The following ANKRD30B variants were observed in gnomAD, a reference collection of about 807,000 sequenced individuals.
ANKRD30B encodes the protein ankyrin repeat domain-containing protein 30B.
A neutral mutation model predicts 202.2 loss-of-function variants in ANKRD30B; 144 were observed. That is an observed-to-expected ratio of 0.71 (90% CI 0.62 to 0.82). ANKRD30B has a LOEUF of 0.82. Among genes scored for constraint, ANKRD30B ranks in the 40% least tolerant of loss-of-function variants. The probability of loss-of-function intolerance (pLI) is 0.00; values close to 1 mark genes in which losing one functional copy is unlikely to be tolerated. For missense variants in ANKRD30B, 1,487 were observed against 1,669.1 expected (o/e 0.89, Z 1.90); for synonymous variants, 508 against 561.3 (o/e 0.91, Z 1.34).
At chr18:14,899,087 G>T in the ANKRD30B span, among the ~76,000 whole-genome samples, 2 of 151,800 alleles carry the variant, frequency 1.3e-5, no homozygotes, top group African/African-American at 4.8e-5. Context: ...TTTTAATCTT[G>T]TCATTATTTT....
At chr18:14,796,295 A>G in intron 17 of ANKRD30B, 46 bp downstream of exon 17, 1 of 1,610,150 alleles carries the variant, frequency 6.2e-7, no homozygotes, top group Non-Finnish European at 8.5e-7. Flanking sequence ...TACATATTTT[A>G]GGAAGCATAT....
chr18:14,829,007 C>T (rs1970788349), intron 33 of ANKRD30B, among the ~76,000 whole-genome samples: 1 of 152,194 alleles, frequency 6.6e-6, no homozygotes, highest in East Asian at 1.9e-4. Context: ...TTCTTCAAAG[C>T]AGTCCCCTCT....
intron 37 of ANKRD30B, 137 bp from the exon 38 acceptor site, chr18:14,842,760 C>T (rs571459928): frequency 3.0e-4 from 239 of 784,386 alleles, no homozygotes; most frequent in Non-Finnish European, 4.4e-4. Flanking sequence ...AGAAACATAC[C>T]GAAAGAAAAC....
At chr18:14,906,090 C>A in the ANKRD30B span, among the ~76,000 whole-genome samples, 2 of 151,802 alleles carry the variant, frequency 1.3e-5, no homozygotes, top group African/African-American at 2.4e-5. Flanking sequence ...TCAGCAAATA[C>A]TTTTAGCCCA....
chr18:14,939,276 G>C, the ANKRD30B span, among the ~76,000 whole-genome samples: 1 of 152,124 alleles, frequency 6.6e-6, no homozygotes, highest in East Asian at 1.9e-4. Flanking sequence ...AGGATTACAG[G>C]ACCTGCCCCC....
chr18:14,856,083 T>A (rs1444561879), downstream of ANKRD30B, among the ~76,000 whole-genome samples: 1 of 98,778 alleles, frequency 1.0e-5, no homozygotes, highest in East Asian at 3.3e-4. Flanking sequence ...CTAGATGGGG[T>A]GGCCGGGCAG....
At chr18:14,859,051 C>T (rs1972142277), downstream of ANKRD30B, among the ~76,000 whole-genome samples, 3 of 122,064 alleles carry the variant, frequency 2.5e-5, no homozygotes, top group Admixed American at 2.2e-4. Context: ...GTGCTCCTCG[C>T]CTCCCACATG....
the ANKRD30B span, among the ~76,000 whole-genome samples, chr18:14,874,532 G>C: frequency 6.6e-6 from 1 of 152,228 alleles, no homozygotes; most frequent in South Asian, 2.1e-4. Context: ...CCATTATGTA[G>C]ATATTTAATT....
chr18:14,828,378 G>A (rs1568054466), intron 33 of ANKRD30B, 70 bp downstream of exon 33: 2 of 1,087,850 alleles, frequency 1.8e-6, no homozygotes, highest in East Asian at 2.6e-5. Context: ...ATCACTATCT[G>A]CTGAGTATTC....
chr18:14,774,711 A>T (rs1473120406), intron 9 of ANKRD30B, among the ~76,000 whole-genome samples: 1 of 152,160 alleles, frequency 6.6e-6, no homozygotes, highest in Admixed American at 6.5e-5. Flanking sequence ...TACAACTGTA[A>T]ATTAGGAAGA....
chr18:14,818,461 C>T (rs1303552882), intron 30 of ANKRD30B, among the ~76,000 whole-genome samples: 1 of 151,502 alleles, frequency 6.6e-6, no homozygotes, highest in Non-Finnish European at 1.5e-5. Context: ...GCTGCACCCA[C>T]CAACTCGTCA....
At chr18:14,880,230 A>G in the ANKRD30B span, among the ~76,000 whole-genome samples, 3 of 152,050 alleles carry the variant, frequency 2.0e-5, no homozygotes, top group Admixed American at 1.3e-4. Flanking sequence ...CTTCTGTTCC[A>G]TTGGTCTATG....
At chr18:14,796,534 C>T (rs1968909035) in intron 18 of ANKRD30B, 119 bp downstream of exon 18, 11 of 1,202,274 alleles carry the variant, frequency 9.1e-6, no homozygotes, top group African/African-American at 1.5e-5. Flanking sequence ...AAATTTGAAA[C>T]AAATAATGCC....
chr18:14,770,818 A>T (rs1966948792), intron 8 of ANKRD30B, among the ~76,000 whole-genome samples: 1 of 126,144 alleles, frequency 7.9e-6, no homozygotes, highest in Non-Finnish European at 1.5e-5. Flanking sequence ...ATTGAAAGAT[A>T]AAAAAAAAAA....
At chr18:14,907,323 A>G in the ANKRD30B span, among the ~76,000 whole-genome samples, 1 of 152,154 alleles carries the variant, frequency 6.6e-6, no homozygotes, top group Non-Finnish European at 1.5e-5. Flanking sequence ...CTGAAAAAAA[A>G]AAGACATCAA....
intron 14 of ANKRD30B, among the ~76,000 whole-genome samples, chr18:14,785,873 C>G (rs562910986): frequency 1.2e-3 from 184 of 152,008 alleles, no homozygotes; most frequent in African/African-American, 4.1e-3. Flanking sequence ...CCCGTCTCTA[C>G]TAAAAATACA....
At chr18:14,870,563 A>C in the ANKRD30B span, among the ~76,000 whole-genome samples, 1 of 152,084 alleles carries the variant, frequency 6.6e-6, no homozygotes, top group Non-Finnish European at 1.5e-5. Flanking sequence ...CACAGACCTG[A>C]CAGTGGGGTC....
chr18:14,894,380 T>A, the ANKRD30B span, among the ~76,000 whole-genome samples: 1 of 152,242 alleles, frequency 6.6e-6, no homozygotes, highest in Non-Finnish European at 1.5e-5. Flanking sequence ...TTAACTTTTC[T>A]GTTTTAAAAA....
At chr18:14,868,295 C>T in the ANKRD30B span, among the ~76,000 whole-genome samples, 2,186 of 142,682 alleles carry the variant, frequency 0.015, no homozygotes, top group African/African-American at 0.043. Context: ...GAGGTGCAGC[C>T]AGGGCAAGGA....
Sources: allele counts gnomAD v4.1 joint callset (sites outside exome capture counted in the v4.1 genomes callset), GRCh38; gene constraint gnomAD v4.1.1; transcripts MANE v1.5; gene names NCBI Gene and HGNC (gene_info 2026-07-23, HGNC 2026-07-21).